Variants in ST8SIA5 observed in about 807,000 individuals in gnomAD.
ST8SIA5 encodes alpha-2,8-sialyltransferase 8E.
Under a neutral mutation model 40.2 loss-of-function variants are expected in ST8SIA5, and 24 were observed. That is an observed-to-expected ratio of 0.60 (90% CI 0.43 to 0.84). The LOEUF (loss-of-function observed/expected upper bound fraction) is 0.84. Among genes scored for constraint, ST8SIA5 ranks in the 40% least tolerant of loss-of-function variants. The pLI, the probability that ST8SIA5 is intolerant of heterozygous loss-of-function variation, is 0.00. For synonymous variants in ST8SIA5, 198 were observed against 201.8 expected, an observed-to-expected ratio of 0.98 and a Z score of 0.16; for missense variants, 465 against 498.5, an observed-to-expected ratio of 0.93 and a Z score of 0.64.
At chr18:46,713,970 C>G (rs556888630) in intron 1 of ST8SIA5, among the ~76,000 whole-genome samples, 1 of 152,254 alleles carries the variant, frequency 6.6e-6, no homozygotes, top group African/African-American at 2.4e-5. Flanking sequence ...GGATGTCTCC[C>G]AAAGTGTAAA....
At chr18:46,736,832 C>A (rs1227523763) in intron 1 of ST8SIA5, among the ~76,000 whole-genome samples, 1 of 151,936 alleles carries the variant, frequency 6.6e-6, no homozygotes, top group Non-Finnish European at 1.5e-5. Context: ...GGCATTAAAC[C>A]CCCAGAACCC....
At chr18:46,729,267 C>A (rs2039962789) in intron 1 of ST8SIA5, among the ~76,000 whole-genome samples, 1 of 152,158 alleles carries the variant, frequency 6.6e-6, no homozygotes, top group Non-Finnish European at 1.5e-5. Flanking sequence ...GTTCTGTCAC[C>A]CCTACATAAT....
chr18:46,753,900 G>C (rs1174065146), intron 1 of ST8SIA5, among the ~76,000 whole-genome samples: 2 of 152,112 alleles, frequency 1.3e-5, no homozygotes, highest in Non-Finnish European at 2.9e-5. Flanking sequence ...TTGTTACAAA[G>C]GCAGGTTAGT....
At chr18:46,710,453 CTCTT>C (rs1469671917) in intron 1 of ST8SIA5, among the ~76,000 whole-genome samples, 1 of 136,368 alleles carries the variant, frequency 7.3e-6, no homozygotes, top group African/African-American at 2.7e-5. Context: ...TTTTCTTTCT[CTCTT>C]TCCTTCCTTC....
rs1255433446 is a variant in ST8SIA5, at chr18:46,668,019, T to G, written c.*12023A>C. On this transcript the variant is annotated 3_prime_UTR_variant, in exon 7 of 7. Transcript: ENST00000315087. The stretch of plus-strand genomic sequence containing the variant: ...TAAACCACTGCTCCCAGAACAAAAT[T>G]TGCATAAAAATAAGATCAGGCCTGC... The G allele has an allele frequency of 6.6e-6, 1 of 152,124 alleles. No individual in the cohort carries two copies. The highest frequency in any genetic ancestry group is 1.5e-5 in the Non-Finnish European group (1 of 68,038). The allele number at this position is 152,124 out of a possible 1,614,324, so 9.4% of individuals were successfully genotyped here. A position where few individuals can be genotyped will look rare whatever the true frequency, so the allele number is the denominator to read the frequency against.
At chr18:46,700,332 G>A (rs1273962051) in intron 2 of ST8SIA5, among the ~76,000 whole-genome samples, 2 of 152,202 alleles carry the variant, frequency 1.3e-5, no homozygotes, top group African/African-American at 4.8e-5. Context: ...ACATTCTGCA[G>A]GCCCGAAGGG....
At chr18:46,724,939 C>T (rs989784643) in intron 1 of ST8SIA5, among the ~76,000 whole-genome samples, 1 of 149,262 alleles carries the variant, frequency 6.7e-6, no homozygotes, top group East Asian at 2.0e-4. Flanking sequence ...CATGCCACTG[C>T]ACTCCAGCCT....
intron 1 of ST8SIA5, among the ~76,000 whole-genome samples, chr18:46,716,086 G>GGATAGGTAGATAGATA (rs1555696177): frequency 7.2e-6 from 1 of 139,678 alleles, no homozygotes; most frequent in Non-Finnish European, 1.5e-5. Flanking sequence ...GAGTCACACA[G>GGATAGGTAGATAGATA]GATAGATAGA....
intron 1 of ST8SIA5, among the ~76,000 whole-genome samples, chr18:46,731,437 G>A (rs1239253700): frequency 2.0e-5 from 3 of 152,104 alleles, no homozygotes; most frequent in Non-Finnish European, 4.4e-5. Context: ...CATACCCCTC[G>A]GGGAACTAGA....
chr18:46,687,382 G>A (rs1043201105), intron 4 of ST8SIA5, among the ~76,000 whole-genome samples: 8 of 152,180 alleles, frequency 5.3e-5, no homozygotes, highest in South Asian at 2.1e-4. Flanking sequence ...AACAGTTACC[G>A]CCTGGCACTT....
At chr18:46,692,087 C>CA in intron 3 of ST8SIA5, 82 bp downstream of exon 3, 2 of 1,462,780 alleles carry the variant, frequency 1.4e-6, no homozygotes, top group Non-Finnish European at 1.9e-6. Flanking sequence ...AGAGCTGGGC[C>CA]TTGCAGGACA....
chr18:46,728,979 G>A (rs138994178), intron 1 of ST8SIA5, among the ~76,000 whole-genome samples: 1,890 of 152,280 alleles, frequency 0.012, 21 homozygotes, highest in Non-Finnish European at 0.021. Flanking sequence ...CAGTGCCCCA[G>A]GAGTGGCCCT....
chr18:46,755,894 C>A (rs2040239174), intron 1 of ST8SIA5, among the ~76,000 whole-genome samples: 1 of 152,180 alleles, frequency 6.6e-6, no homozygotes, highest in African/African-American at 2.4e-5. Context: ...CCCACCGAAC[C>A]CGAAGCTCCT....
chr18:46,747,188 A>C (rs2040148581), intron 1 of ST8SIA5, among the ~76,000 whole-genome samples: 1 of 152,236 alleles, frequency 6.6e-6, no homozygotes, highest in Non-Finnish European at 1.5e-5. Flanking sequence ...AAACACCAAA[A>C]GCAATGGCAA....
chr18:46,747,817 A>C (rs2144569280), intron 1 of ST8SIA5, among the ~76,000 whole-genome samples: 2 of 152,384 alleles, frequency 1.3e-5, no homozygotes, highest in South Asian at 4.1e-4. Context: ...ACTTGGAACC[A>C]ACCCAAATGT....
intron 1 of ST8SIA5, among the ~76,000 whole-genome samples, chr18:46,713,325 C>A (rs1294029090): frequency 1.3e-5 from 2 of 152,090 alleles, no homozygotes; most frequent in African/African-American, 4.8e-5. Context: ...GAACAACTAG[C>A]GGGATGACAT....
chr18:46,731,807 C>T (rs2144546161), intron 1 of ST8SIA5: 1 of 152,328 alleles, frequency 6.6e-6, no homozygotes, highest in African/African-American at 2.4e-5. Context: ...GAGAGCTCCT[C>T]TATGCTCTTC....
intron 1 of ST8SIA5, among the ~76,000 whole-genome samples, chr18:46,755,303 G>T (rs922148116): frequency 6.6e-6 from 1 of 152,182 alleles, no homozygotes; most frequent in African/African-American, 2.4e-5. Context: ...TGAGAAGAGG[G>T]CTGTTTCGTT....
At chr18:46,700,592 C>T (rs975254914) in intron 2 of ST8SIA5, among the ~76,000 whole-genome samples, 6 of 152,154 alleles carry the variant, frequency 3.9e-5, no homozygotes, top group African/African-American at 1.4e-4. Context: ...CACTCATGCC[C>T]CAGGAACAGC....
Sources: gnomAD v4.1 joint callset for allele counts (sites outside exome capture counted in the v4.1 genomes callset) on GRCh38, gnomAD v4.1.1 for gene constraint, MANE v1.5 for transcripts, NCBI Gene and HGNC (gene_info 2026-07-23, HGNC 2026-07-21) for gene names.